The following STRN variants were observed in gnomAD, a reference collection of about 807,000 sequenced individuals.
The protein encoded by STRN is protein phosphatase 2 regulatory subunit B'''alpha.
Under a neutral mutation model 96.3 loss-of-function variants are expected in STRN, and 53 were observed. That is an observed-to-expected ratio of 0.55 (90% CI 0.44 to 0.69). The LOEUF (loss-of-function observed/expected upper bound fraction) is 0.69. Ranked by LOEUF, STRN falls within the 30% of genes least tolerant of loss-of-function variation. The pLI is 0.00. For synonymous variants in STRN, 428 were observed against 355.9 expected, an observed-to-expected ratio of 1.20 and a Z score of -2.28; for missense variants, 987 against 963.9, an observed-to-expected ratio of 1.02 and a Z score of -0.32.
At chr2:36,957,084 C>G (rs1664906177) in intron 1 of STRN, among the ~76,000 whole-genome samples, 1 of 152,202 alleles carries the variant, frequency 6.6e-6, no homozygotes, top group Non-Finnish European at 1.5e-5. Context: ...CAACAAACAG[C>G]CTTGCAGGAC....
chr2:36,888,732 G>T (rs925254928), intron 7 of STRN, among the ~76,000 whole-genome samples: 6 of 151,622 alleles, frequency 4.0e-5, no homozygotes, highest in African/African-American at 1.5e-4. Flanking sequence ...ACCAGCTGGG[G>T]TGCACTGTCA....
intron 1 of STRN, among the ~76,000 whole-genome samples, chr2:36,952,253 C>T (rs1307899450): frequency 6.6e-6 from 1 of 152,096 alleles, no homozygotes; most frequent in African/African-American, 2.4e-5. Context: ...GATCAACCAC[C>T]AGTCTGGATG....
At chr2:36,879,712 T>C (rs1051417408) in intron 9 of STRN, among the ~76,000 whole-genome samples, 7 of 152,218 alleles carry the variant, frequency 4.6e-5, no homozygotes, top group African/African-American at 1.7e-4. Flanking sequence ...GTTCAAACCC[T>C]AGCTGCTAAA....
At chr2:36,905,205 G>C (rs931833561) in intron 4 of STRN, among the ~76,000 whole-genome samples, 8 of 152,144 alleles carry the variant, frequency 5.3e-5, no homozygotes, top group African/African-American at 1.9e-4. Flanking sequence ...CTGACTTCAA[G>C]TGATCCATCC....
chr2:36,892,030 T>C (rs1390229402), intron 7 of STRN, among the ~76,000 whole-genome samples: 6 of 152,224 alleles, frequency 3.9e-5, no homozygotes, highest in African/African-American at 9.6e-5. Flanking sequence ...AAAAAAGTTC[T>C]TCATTTTAAG....
intron 7 of STRN, among the ~76,000 whole-genome samples, chr2:36,889,912 T>C (rs1369742878): frequency 6.6e-6 from 1 of 152,132 alleles, no homozygotes; most frequent in Non-Finnish European, 1.5e-5. Context: ...ACTCATATAA[T>C]AGGCTAGGTA....
intron 1 of STRN, among the ~76,000 whole-genome samples, chr2:36,948,542 G>C (rs1051967724): frequency 3.3e-5 from 5 of 152,072 alleles, no homozygotes; most frequent in Admixed American, 2.6e-4. Context: ...AACATATACC[G>C]TGATAGGTGT....
intron 1 of STRN, among the ~76,000 whole-genome samples, chr2:36,930,871 T>C (rs1670556066): frequency 6.6e-6 from 1 of 151,660 alleles, no homozygotes. Flanking sequence ...CCATCTCTAC[T>C]AAAAATATAA....
rs1175956299 is a variant in STRN, at chr2:36,841,826, C to A, written c.*7630G>T. ...AATATTTAATTTAGATAACAAGGAC[C>A]AATGACAAGCCAGAATTGGAACCAT... On this transcript the variant is annotated 3_prime_UTR_variant, in exon 18 of 18. Coordinates refer to ENST00000263918, the MANE Select transcript of STRN (RefSeq NM_003162.4). 3 of 152,110 alleles carry A rather than the reference C, an allele frequency of 2.0e-5. No homozygotes were observed. The highest frequency in any genetic ancestry group is 4.4e-5 in the Non-Finnish European group (3 of 68,024). The allele number at this position is 152,110 out of a possible 1,614,324, so 9.4% of individuals were successfully genotyped here.
Position 36,863,672 on chromosome 2 carries a change from A to C in STRN, c.1548-2419T>G, listed in dbSNP as rs1668550783. ...TCTTCGGGTTTCCATATGAATTTTAAACATTTTTTCTAATTCTGTTAGAAT... is the reference window on the plus strand; with the variant it reads ...TCTTCGGGTTTCCATATGAATTTTACACATTTTTTCTAATTCTGTTAGAAT... On this transcript the variant is annotated intron_variant, in intron 12 of 17. Transcript: ENST00000263918. Among the ~76,000 whole-genome samples the C allele has an allele frequency of 2.6e-5, 4 of 152,122 alleles. No individual in the cohort carries two copies. The South Asian group carries it at 8.3e-4, about 32-fold the overall frequency.
At chr2:36,952,718 A>G (rs1664790173) in intron 1 of STRN, among the ~76,000 whole-genome samples, 1 of 152,214 alleles carries the variant, frequency 6.6e-6, no homozygotes, top group African/African-American at 2.4e-5. Context: ...AGAAAGAAGA[A>G]ACAAAAGATA....
chr2:36,914,888 C>T (rs982949785), intron 3 of STRN, among the ~76,000 whole-genome samples: 1 of 152,076 alleles, frequency 6.6e-6, no homozygotes, highest in African/African-American at 2.4e-5. Context: ...TACCGAATAA[C>T]CACTTTAAAA....
rs188694838 is a variant in STRN at position 36,918,855 on chromosome 2, T to G, written c.339-2704A>C. Among the ~76,000 whole-genome samples the G allele has an allele frequency of 2.3e-3, 352 of 152,330 alleles. 4 individuals carry two copies. Among genetic ancestry groups the G allele is most frequent in the Non-Finnish European group, 9.0e-4 (61 of 68,018 alleles). ...CTCAGCTCACTGTGTTAACCAATCT[T>G]TCTTGTTTGCTATTCTTTTTCTGTC... On this transcript the variant is annotated intron_variant, in intron 2 of 17. Transcript: ENST00000263918.
intron 10 of STRN, among the ~76,000 whole-genome samples, chr2:36,871,908 A>G (rs1195287740): frequency 1.3e-5 from 2 of 152,242 alleles, no homozygotes; most frequent in Admixed American, 6.5e-5. Context: ...GAACATGTCA[A>G]ATTAGGATAA....
rs1219187533 is a variant in STRN at position 36,844,311 on chromosome 2, A to G, written c.*5145T>C. 1 of 152,094 alleles carries G rather than the reference A, an allele frequency of 6.6e-6. No homozygotes were observed. Among genetic ancestry groups the G allele is most frequent in the Admixed American group, 6.6e-5 (1 of 15,260 alleles). The allele number at this position is 152,094 out of a possible 1,614,324, so 9.4% of individuals were successfully genotyped here. On this transcript the variant is annotated 3_prime_UTR_variant, in exon 18 of 18. Transcript: ENST00000263918. ...GAGGGAGATGTGTGGTAGACCAAAG[A>G]CTTTCTGATTGCTGATAATAACAAA...
chr2:36,963,998 GA>G (rs1277970478), intron 1 of STRN, among the ~76,000 whole-genome samples: 46 of 141,596 alleles, frequency 3.2e-4, no homozygotes, highest in East Asian at 1.2e-3. Context: ...CCAATAAAAG[GA>G]AAAAAAAAAA....
chr2:36,854,775 G>A (rs1317487080), intron 15 of STRN, among the ~76,000 whole-genome samples: 1 of 152,100 alleles, frequency 6.6e-6, no homozygotes, highest in Non-Finnish European at 1.5e-5. Context: ...CTGACTTCCT[G>A]CATCCAATAA....
chr2:36,893,038 A>C (rs1007192499), intron 7 of STRN, among the ~76,000 whole-genome samples: 7 of 151,984 alleles, frequency 4.6e-5, no homozygotes, highest in African/African-American at 1.7e-4. Context: ...ACTGCACTCC[A>C]GCCCGGGTGA....
intron 2 of STRN, among the ~76,000 whole-genome samples, chr2:36,920,200 A>G (rs1411106841): frequency 1.3e-5 from 2 of 152,258 alleles, no homozygotes; most frequent in African/African-American, 2.4e-5. Flanking sequence ...CTCTATGAGT[A>G]TATTTCAAAT....
Sources: allele counts gnomAD v4.1 joint callset (sites outside exome capture counted in the v4.1 genomes callset), GRCh38; gene constraint gnomAD v4.1.1; transcripts MANE v1.5; gene names NCBI Gene and HGNC (gene_info 2026-07-23, HGNC 2026-07-21).